The following M1AP variants were observed in gnomAD, a reference collection of about 807,000 sequenced individuals.
The protein encoded by M1AP is meiosis 1 arrest protein.
In M1AP, 39 loss-of-function variants were observed where a neutral mutation model predicts 51.2. That is an observed-to-expected ratio of 0.76 (90% CI 0.59 to 1.00). The LOEUF (loss-of-function observed/expected upper bound fraction) is 1.00, where lower values mean the gene tolerates loss of function less well. M1AP is among the 50% of genes least tolerant of loss of function. M1AP has a pLI of 0.00. For missense variants in M1AP, 545 were observed against 641.2 expected (o/e 0.85, Z 1.62); for synonymous variants, 251 against 249.2 (o/e 1.01, Z -0.07).
chr2:74,576,592 G>C lies in M1AP; in HGVS notation c.796C>G (p.Arg266Gly). ...GCGAGTAGGGATGGGCAGAGCAGTC[G>C]CTCTTGGAGATCACATTTCAGACAC... Reference protein sequence around the residue: ...PMCLKCDLQERLLCPSLLAGT... With the variant: ...PMCLKCDLQEGLLCPSLLAGT... The change falls in exon 6 of 11, where the codon CGA becomes GGA. Residue 266 changes from arginine (R) to glycine (G), a missense_variant. Coordinates refer to ENST00000421985, the MANE Select transcript of M1AP (RefSeq NM_001321739.2). 1.9e-6 allele frequency: 3 copies of C among 1,614,096 alleles called. No individual in the cohort carries two copies. The highest frequency in any genetic ancestry group is 2.5e-6 in the Non-Finnish European group (3 of 1,179,968).
chr2:74,611,256 A>G (rs1329231639), intron 3 of M1AP, among the ~76,000 whole-genome samples: 1 of 152,216 alleles, frequency 6.6e-6, no homozygotes, highest in East Asian at 1.9e-4. Flanking sequence ...AATTGCTATT[A>G]GTTCTTCTTT....
intron 7 of M1AP, among the ~76,000 whole-genome samples, chr2:74,566,353 T>C (rs558127398): frequency 6.6e-6 from 1 of 152,222 alleles, no homozygotes; most frequent in South Asian, 2.1e-4. Flanking sequence ...GGGGATAGGC[T>C]GTGGTGGAGG....
chr2:74,644,113 C>G (rs1234486258), intron 1 of M1AP, among the ~76,000 whole-genome samples: 1 of 152,088 alleles, frequency 6.6e-6, no homozygotes, highest in Non-Finnish European at 1.5e-5. Context: ...TAAAATCATT[C>G]TATATAATTG....
chr2:74,577,280 G>T (rs1312581007), intron 5 of M1AP, among the ~76,000 whole-genome samples: 3 of 152,206 alleles, frequency 2.0e-5, no homozygotes, highest in African/African-American at 4.8e-5. Flanking sequence ...CAGTTCTGAG[G>T]AATGCTTAGG....
chr2:74,574,007 G>A (rs906211454), intron 7 of M1AP, among the ~76,000 whole-genome samples: 1 of 152,156 alleles, frequency 6.6e-6, no homozygotes, highest in Non-Finnish European at 1.5e-5. Context: ...CAACGGCTCC[G>A]TTGTCTCTGC....
At chr2:74,605,481 C>T (rs1423257086) in intron 4 of M1AP, among the ~76,000 whole-genome samples, 1 of 152,086 alleles carries the variant, frequency 6.6e-6, no homozygotes, top group Non-Finnish European at 1.5e-5. Context: ...GTAAGAACAC[C>T]ATGCATGAGA....
At chr2:74,638,470 G>A (rs192537875) in intron 2 of M1AP, among the ~76,000 whole-genome samples, 95 of 152,248 alleles carry the variant, frequency 6.2e-4, no homozygotes, top group Non-Finnish European at 1.3e-3. Flanking sequence ...TCTATCTAGG[G>A]TGGAACAGTG....
chr2:74,588,503 C>T (rs1364419364), intron 4 of M1AP, among the ~76,000 whole-genome samples: 1 of 152,198 alleles, frequency 6.6e-6, no homozygotes, highest in Non-Finnish European at 1.5e-5. Flanking sequence ...ATCATCCAAC[C>T]ATTGTCTTTA....
At chr2:74,572,368 C>T (rs1678800694) in intron 7 of M1AP, among the ~76,000 whole-genome samples, 1 of 152,140 alleles carries the variant, frequency 6.6e-6, no homozygotes, top group Non-Finnish European at 1.5e-5. Flanking sequence ...CTCTGTCGCC[C>T]AGAGTGCAGT....
intron 2 of M1AP, among the ~76,000 whole-genome samples, chr2:74,616,370 A>G (rs1218707238): frequency 1.3e-5 from 2 of 152,270 alleles, no homozygotes; most frequent in Non-Finnish European, 2.9e-5. Context: ...AAATAAAACT[A>G]TAATATAACT....
chr2:74,640,233 T>G lies in M1AP; in HGVS notation c.43A>C (p.Thr15Pro). 2 of 1,613,902 alleles carry G rather than the reference T, an allele frequency of 1.2e-6. No homozygotes were observed. The highest frequency in any genetic ancestry group is 2.2e-5 in the East Asian group (1 of 44,866). Residue 15 changes from threonine to proline, a missense_variant, in exon 2 of 11, where the codon ACT (threonine) becomes CCT (proline). Coordinates refer to ENST00000421985, the MANE Select transcript of M1AP (RefSeq NM_001321739.2). The part of the protein sequence containing the change: ...RTTGKGPSTH[T>P]QIDQQPPRLL... Reference sequence around the variant, plus strand: ...CGTGGAGGTTGCTGGTCAATCTGAGTGTGAGTAGAGGGCCCTTTACCAGTA... The same window carrying G: ...CGTGGAGGTTGCTGGTCAATCTGAGGGTGAGTAGAGGGCCCTTTACCAGTA...
chr2:74,578,018 C>G (rs1204854141), intron 5 of M1AP, among the ~76,000 whole-genome samples: 1 of 152,222 alleles, frequency 6.6e-6, no homozygotes, highest in African/African-American at 2.4e-5. Flanking sequence ...ACCTAGATCC[C>G]TTGCATGTGT....
At chr2:74,628,313 T>A in intron 2 of M1AP, 1 of 342,800 alleles carries the variant, frequency 2.9e-6, no homozygotes, top group Non-Finnish European at 5.9e-6. Flanking sequence ...CACATAAGCT[T>A]TCTCTATTCA....
At chr2:74,605,556 T>C (rs1313423830) in intron 4 of M1AP, among the ~76,000 whole-genome samples, 1 of 152,144 alleles carries the variant, frequency 6.6e-6, no homozygotes, top group Non-Finnish European at 1.5e-5. Flanking sequence ...GGTATAATGT[T>C]GTATAGCAGA....
chr2:74,601,948 T>C (rs997077599), intron 4 of M1AP, among the ~76,000 whole-genome samples: 6 of 152,208 alleles, frequency 3.9e-5, no homozygotes, highest in Non-Finnish European at 1.5e-5. Context: ...GGACACATTC[T>C]CATTTTATAA....
rs753960663 is a variant in M1AP, at chr2:74,558,671, C to T, written c.*45G>A. 2 of 1,605,088 alleles carry T rather than the reference C, an allele frequency of 1.2e-6. No homozygotes were observed. Among genetic ancestry groups the T allele is most frequent in the Admixed American group, 1.7e-5 (1 of 58,300 alleles). On this transcript the variant is annotated 3_prime_UTR_variant, in exon 11 of 11. Coordinates refer to ENST00000421985, the MANE Select transcript of M1AP (RefSeq NM_001321739.2). ...CAGATAGCCATTATGTGAACCTGAG[C>T]ATGGATATGGTTAAGCTGGGCAGCT...
rs760001647 is a variant in M1AP, at chr2:74,607,215, A to G, written c.435T>C (p.Ile145=). 23 of 1,613,864 alleles carry G rather than the reference A, an allele frequency of 1.4e-5. No individual in the cohort carries two copies. Among genetic ancestry groups the G allele is most frequent in the Non-Finnish European group, 1.6e-5 (19 of 1,179,896 alleles). ...CCTCTTTTCCAGGCTGAGAAGTCAG[A>G]ATAGTAATCTGAAAATAAATCCAAG... ...ALTYTSLEIT[I]LTSQPGKEVV... The change falls in exon 4 of 11, where the codon ATT becomes ATC. Residue 145 remains isoleucine, a synonymous_variant. Transcript: ENST00000421985.
At chr2:74,582,459 C>A (rs183193261) in intron 4 of M1AP, among the ~76,000 whole-genome samples, 24 of 152,148 alleles carry the variant, frequency 1.6e-4, no homozygotes, top group South Asian at 1.5e-3. Context: ...GTTAACAAAG[C>A]TAAATGTACT....
chr2:74,572,392 G>C (rs890638538), intron 7 of M1AP, among the ~76,000 whole-genome samples: 1 of 152,106 alleles, frequency 6.6e-6, no homozygotes, highest in African/African-American at 2.4e-5. Context: ...GCGATCATGG[G>C]TCACTGCAGC....
Sources: gnomAD v4.1 joint callset for allele counts (sites outside exome capture counted in the v4.1 genomes callset) on GRCh38, gnomAD v4.1.1 for gene constraint, MANE v1.5 for transcripts, NCBI Gene and HGNC (gene_info 2026-07-23, HGNC 2026-07-21) for gene names.